Variants in MACROD2 observed in about 807,000 individuals in gnomAD.
MACROD2 encodes mono-ADP ribosylhydrolase 2, also known as ADP-ribose glycohydrolase MACROD2.
MACROD2 carries 36 observed loss-of-function variants against 70.4 expected under a neutral mutation model. The observed-to-expected ratio is 0.51, with a 90% CI of 0.39 to 0.68. The LOEUF is 0.68. Among genes scored for constraint, MACROD2 ranks in the 30% least tolerant of loss-of-function variants. The pLI is 0.00. For synonymous variants in MACROD2, 172 were observed against 178.8 expected (o/e 0.96, Z 0.30); for missense variants, 496 against 538.4 (o/e 0.92, Z 0.78).
intron 6 of MACROD2, among the ~76,000 whole-genome samples, chr20:15,363,416 A>T (rs972755445): frequency 2.6e-5 from 4 of 152,218 alleles, no homozygotes; most frequent in Non-Finnish European, 5.9e-5. Flanking sequence ...TAAAACCCAT[A>T]AGAGAAAGTT....
chr20:14,313,213 C>A (rs1457870603), intron 3 of MACROD2, among the ~76,000 whole-genome samples: 1 of 152,008 alleles, frequency 6.6e-6, no homozygotes. Flanking sequence ...AATTCTTAAC[C>A]CTCTAGTTTT....
Position 14,327,517 on chromosome 20 carries a change from G to A in MACROD2, c.272-165962G>A, listed in dbSNP as rs1179345563. 5 of 1,600,464 alleles carry A rather than the reference G, an allele frequency of 3.1e-6. No homozygotes were observed. In the South Asian group the frequency reaches 4.5e-5, roughly 14 times the overall value. ...GGCTGCGCTGATCATGGTCAGCAGT[G>A]TTGAGGTCTTTATACAAGGTAGCTT... On this transcript the variant is annotated intron_variant, in intron 3 of 17. Transcript: ENST00000684519.
At chr20:15,605,451 A>AGTGTGTGTGT (rs1491508756) in intron 8 of MACROD2, among the ~76,000 whole-genome samples, 1 of 108,484 alleles carries the variant, frequency 9.2e-6, no homozygotes, top group African/African-American at 4.3e-5. Context: ...ACAGGATGTA[A>AGTGTGTGTGT]GCGTGTGTGT....
chr20:14,416,182 CT>C (rs1296782541), intron 3 of MACROD2, among the ~76,000 whole-genome samples: 1 of 152,158 alleles, frequency 6.6e-6, no homozygotes, highest in Non-Finnish European at 1.5e-5. Context: ...TGGTCTCAAT[CT>C]CCTGACCTTG....
chr20:14,190,700 T>TATACATATA (rs2081379670), intron 3 of MACROD2, among the ~76,000 whole-genome samples: 1 of 14,852 alleles, frequency 6.7e-5, no homozygotes, highest in African/African-American at 1.8e-4. Context: ...ATATATATAT[T>TATACATATA]TTTTTTTTTT....
rs188307318 is a variant in MACROD2, at chr20:15,401,850, T to C, written c.541-29555T>C. The stretch of plus-strand genomic sequence containing the variant: ...CGGTCAGATGGAGACCTTGGGGGAA[T>C]GATCCCAGTGATGGATAGTTGAGAT... On this transcript the variant is annotated intron_variant, in intron 6 of 17. Transcript: ENST00000684519. Among the ~76,000 whole-genome samples the C allele has an allele frequency of 2.6e-5, 4 of 152,304 alleles. No homozygotes were observed. In the East Asian group the frequency reaches 5.8e-4, roughly 22 times the overall value.
At chr20:14,674,194 G>T (rs963516525) in intron 4 of MACROD2, among the ~76,000 whole-genome samples, 1 of 152,070 alleles carries the variant, frequency 6.6e-6, no homozygotes, top group Non-Finnish European at 1.5e-5. Flanking sequence ...AGAGACTATG[G>T]TTTATATTTC....
intron 8 of MACROD2, among the ~76,000 whole-genome samples, chr20:15,841,082 C>T (rs957538673): frequency 1.3e-5 from 2 of 152,140 alleles, no homozygotes; most frequent in African/African-American, 4.8e-5. Context: ...CATCTCACAT[C>T]TGGATATCCT....
chr20:14,754,347 A>G (rs1338388168), intron 5 of MACROD2, among the ~76,000 whole-genome samples: 1 of 152,176 alleles, frequency 6.6e-6, no homozygotes, highest in Non-Finnish European at 1.5e-5. Context: ...AAGGGAAGCC[A>G]AAGTAGCATG....
chr20:15,515,502 A>C (rs1465137795), intron 8 of MACROD2, among the ~76,000 whole-genome samples: 1 of 152,154 alleles, frequency 6.6e-6, no homozygotes, highest in African/African-American at 2.4e-5. Context: ...TTCCCTTCCA[A>C]ATATCACTGT....
At chr20:14,138,624 G>A (rs925680941) in intron 3 of MACROD2, among the ~76,000 whole-genome samples, 2 of 152,058 alleles carry the variant, frequency 1.3e-5, no homozygotes, top group East Asian at 1.9e-4. Context: ...TGGCTGGGTG[G>A]GGGGAAAATG....
intron 8 of MACROD2, among the ~76,000 whole-genome samples, chr20:15,672,284 C>A (rs1600738314): frequency 2.0e-5 from 3 of 151,456 alleles, no homozygotes; most frequent in Admixed American, 6.6e-5. Flanking sequence ...ACTTGCATAA[C>A]CCTGAATGGT....
intron 4 of MACROD2, among the ~76,000 whole-genome samples, chr20:14,612,936 C>G (rs1007077603): frequency 2.0e-5 from 3 of 152,102 alleles, no homozygotes; most frequent in Non-Finnish European, 2.9e-5. Context: ...CAGGCTTGTA[C>G]TTTATTTCTT....
At chr20:15,623,709 T>TATCTATCTATCTATCTATCC (rs1390472216) in intron 8 of MACROD2, among the ~76,000 whole-genome samples, 30 of 152,086 alleles carry the variant, frequency 2.0e-4, no homozygotes, top group African/African-American at 7.0e-4. Flanking sequence ...TCTATCTATC[T>TATCTATCTATCTATCTATCC]ATCTATCTAT....
chr20:14,273,380 G>C (rs2082216627), intron 3 of MACROD2, among the ~76,000 whole-genome samples: 1 of 150,782 alleles, frequency 6.6e-6, no homozygotes, highest in Non-Finnish European at 1.5e-5. Context: ...TGAACAACCT[G>C]CTCCTGAATG....
chr20:14,440,786 C>T (rs1168430196), intron 3 of MACROD2, among the ~76,000 whole-genome samples: 1 of 152,152 alleles, frequency 6.6e-6, no homozygotes, highest in Non-Finnish European at 1.5e-5. Context: ...CCAGGCCTCC[C>T]TTAGGTAGCT....
At chr20:14,512,733 C>T (rs1327300023) in intron 4 of MACROD2, among the ~76,000 whole-genome samples, 5 of 152,038 alleles carry the variant, frequency 3.3e-5, no homozygotes, top group Non-Finnish European at 5.9e-5. Context: ...TTTGTCCTCT[C>T]GTGCCTCACA....
chr20:16,047,824 C>T (rs545122889), intron 17 of MACROD2, among the ~76,000 whole-genome samples: 3 of 152,150 alleles, frequency 2.0e-5, no homozygotes, highest in African/African-American at 7.2e-5. Context: ...CACAGTCTTG[C>T]ATTTTAATGC....
chr20:14,264,955 C>T (rs935344503), intron 3 of MACROD2, among the ~76,000 whole-genome samples: 1 of 152,166 alleles, frequency 6.6e-6, no homozygotes, highest in African/African-American at 2.4e-5. Context: ...CTGGTTGGAT[C>T]AGCTGGCTTC....
Sources: gnomAD v4.1 joint callset for allele counts (sites outside exome capture counted in the v4.1 genomes callset) on GRCh38, gnomAD v4.1.1 for gene constraint, MANE v1.5 for transcripts, NCBI Gene and HGNC (gene_info 2026-07-23, HGNC 2026-07-21) for gene names.